Variants in SARNP observed in about 807,000 individuals in gnomAD.
SARNP encodes the protein SAP domain-containing ribonucleoprotein.
In SARNP, 5 loss-of-function variants were observed where a neutral mutation model predicts 38.1. The observed-to-expected ratio is 0.13, with a 90% CI of 0.07 to 0.28. The LOEUF (loss-of-function observed/expected upper bound fraction) is 0.28, where lower values mean the gene tolerates loss of function less well. SARNP is among the 10% of genes least tolerant of loss of function. SARNP has a pLI of 1.00. For missense variants in SARNP, 180 were observed against 243.9 expected, an observed-to-expected ratio of 0.74 and a Z score of 1.75; for synonymous variants, 84 against 80.6, an observed-to-expected ratio of 1.04 and a Z score of -0.23.
intron 10 of SARNP, chr12:55,760,349 A>C: frequency 1.9e-6 from 1 of 540,066 alleles, no homozygotes; most frequent in Non-Finnish European, 3.2e-6. Flanking sequence ...TAAATAAATA[A>C]ATAATTAAGA....
At chr12:55,766,303 T>A (rs1878827652) in intron 9 of SARNP, among the ~76,000 whole-genome samples, 1 of 152,070 alleles carries the variant, frequency 6.6e-6, no homozygotes, top group Non-Finnish European at 1.5e-5. Flanking sequence ...AAATCTATAC[T>A]CCTAAAAACA....
chr12:55,813,667 C>G lies in SARNP; in HGVS notation c.36+3999G>C, dbSNP rs148716836. Among the ~76,000 whole-genome samples the G allele has an allele frequency of 1.5e-3, 223 of 152,176 alleles. 1 individual carries two copies. The highest frequency in any genetic ancestry group is 5.1e-3 in the African/African-American group (213 of 41,518). On this transcript the variant is annotated intron_variant, in intron 1 of 10. Transcript: ENST00000336133. ...TCAAGTGATTCTCCTGCCTCAGCCC[C>G]CCGAGTAGCTGGGATTACAGGCATG...
intron 2 of SARNP, 22 bp from the exon 3 acceptor site, chr12:55,800,922 A>C (rs370677549): frequency 1.3e-6 from 2 of 1,596,988 alleles, no homozygotes; most frequent in African/African-American, 2.7e-5. Context: ...TAAAATATTC[A>C]GGTCAAGCCC....
chr12:55,815,230 T>C (rs143031978), intron 1 of SARNP, among the ~76,000 whole-genome samples: 8 of 152,208 alleles, frequency 5.3e-5, no homozygotes, highest in African/African-American at 1.9e-4. Context: ...GCTAATTTTT[T>C]AATTTTTTTT....
intron 9 of SARNP, among the ~76,000 whole-genome samples, chr12:55,788,176 A>C (rs188474039): frequency 6.6e-6 from 1 of 152,208 alleles, no homozygotes; most frequent in East Asian, 1.9e-4. Flanking sequence ...AAATAGAAAA[A>C]TCCTTATCAT....
intron 9 of SARNP, among the ~76,000 whole-genome samples, chr12:55,774,165 G>A (rs1879092799): frequency 6.6e-6 from 1 of 151,794 alleles, no homozygotes; most frequent in Admixed American, 6.6e-5. Flanking sequence ...ACCCCACCCA[G>A]CTAATTGTTT....
chr12:55,780,066 T>A (rs761182896), intron 9 of SARNP, among the ~76,000 whole-genome samples: 5 of 152,130 alleles, frequency 3.3e-5, no homozygotes, highest in Non-Finnish European at 5.9e-5. Flanking sequence ...GAGGGTCACT[T>A]AAACCCGGGA....
intron 6 of SARNP, among the ~76,000 whole-genome samples, 197 bp from the exon 7 acceptor site, chr12:55,794,584 T>A (rs1296542781): frequency 6.6e-6 from 1 of 152,172 alleles, no homozygotes; most frequent in Non-Finnish European, 1.5e-5. Flanking sequence ...TAGTAGTCAG[T>A]TCCTGGCTTT....
At chr12:55,792,175 G>GA (rs960274459) in intron 7 of SARNP, among the ~76,000 whole-genome samples, 2 of 151,798 alleles carry the variant, frequency 1.3e-5, no homozygotes, top group South Asian at 2.1e-4. Context: ...CTAAGAGCCA[G>GA]AAAAAAAATT....
chr12:55,808,412 G>A (rs570057528), intron 1 of SARNP, among the ~76,000 whole-genome samples: 1 of 151,814 alleles, frequency 6.6e-6, no homozygotes, highest in African/African-American at 2.4e-5. Flanking sequence ...TCCACCTCCC[G>A]AGTTCAAGCA....
downstream of SARNP, chr12:55,753,556 G>A (rs1878401830): frequency 6.6e-6 from 1 of 152,054 alleles, no homozygotes; most frequent in South Asian, 2.1e-4. Flanking sequence ...GATCATGCAA[G>A]GTCCGGAGTT....
intron 8 of SARNP, among the ~76,000 whole-genome samples, chr12:55,789,671 C>T (rs1360871020): frequency 1.3e-5 from 2 of 151,988 alleles, no homozygotes; most frequent in African/African-American, 2.4e-5. Flanking sequence ...GGGCCAGGCG[C>T]GGTGGCTCAC....
intron 9 of SARNP, among the ~76,000 whole-genome samples, chr12:55,784,045 A>G (rs1183877761): frequency 6.6e-6 from 1 of 152,208 alleles, no homozygotes; most frequent in Non-Finnish European, 1.5e-5. Context: ...TCCACTAAAG[A>G]GAAATCAGCA....
chr12:55,806,855 T>G (rs1428327501), intron 1 of SARNP, among the ~76,000 whole-genome samples: 2 of 152,246 alleles, frequency 1.3e-5, no homozygotes, highest in Admixed American at 6.5e-5. Flanking sequence ...AAGAATTTTA[T>G]AAAGCATTTA....
intron 4 of SARNP, among the ~76,000 whole-genome samples, chr12:55,798,715 T>C (rs1472236510): frequency 2.0e-5 from 3 of 152,206 alleles, no homozygotes; most frequent in Non-Finnish European, 4.4e-5. Context: ...TGTTTATCCA[T>C]AGAATGCAAT....
chr12:55,787,430 GA>G (rs1879533555), intron 9 of SARNP, among the ~76,000 whole-genome samples: 2 of 151,964 alleles, frequency 1.3e-5, no homozygotes, highest in Non-Finnish European at 2.9e-5. Context: ...TGCTGAGTTG[GA>G]AATACTGATG....
At chr12:55,788,624 C>T (rs1157795391) in intron 9 of SARNP, among the ~76,000 whole-genome samples, 9 of 151,946 alleles carry the variant, frequency 5.9e-5, no homozygotes, top group African/African-American at 2.2e-4. Context: ...TAGCAAAATC[C>T]CGTCTCTACC....
At chr12:55,791,928 T>C (rs1879682325) in intron 7 of SARNP, among the ~76,000 whole-genome samples, 2 of 152,144 alleles carry the variant, frequency 1.3e-5, no homozygotes, top group Non-Finnish European at 2.9e-5. Context: ...AACTGTATTT[T>C]TTATCAGGTT....
intron 1 of SARNP, among the ~76,000 whole-genome samples, chr12:55,808,676 G>A (rs1028834526): frequency 2.6e-5 from 4 of 151,904 alleles, no homozygotes; most frequent in Non-Finnish European, 5.9e-5. Context: ...TGGGAGGAAC[G>A]CTTGAACCTG....
Sources: allele counts gnomAD v4.1 joint callset (sites outside exome capture counted in the v4.1 genomes callset), GRCh38; gene constraint gnomAD v4.1.1; transcripts MANE v1.5; gene names NCBI Gene and HGNC (gene_info 2026-07-23, HGNC 2026-07-21).